The following BAALC variants were observed in gnomAD, a reference collection of about 807,000 sequenced individuals.
BAALC encodes brain and acute leukemia cytoplasmic protein.
In BAALC, 9 loss-of-function variants were observed where a neutral mutation model predicts 15.5. That is an observed-to-expected ratio of 0.58 (90% CI 0.35 to 1.02). The LOEUF (loss-of-function observed/expected upper bound fraction) is 1.02. BAALC is among the 50% of genes least tolerant of loss of function. BAALC has a pLI of 0.02. For missense variants in BAALC, 201 were observed against 192.4 expected, an observed-to-expected ratio of 1.04 and a Z score of -0.27; for synonymous variants, 80 against 74.6, an observed-to-expected ratio of 1.07 and a Z score of -0.37.
chr8:103,159,464 C>T (rs1468865669), intron 1 of BAALC, among the ~76,000 whole-genome samples: 2 of 152,190 alleles, frequency 1.3e-5, no homozygotes, highest in South Asian at 4.1e-4. Context: ...TGAGTAAATG[C>T]CAAATGTTTT....
chr8:103,197,758 G>C (rs1373097885), intron 1 of BAALC, among the ~76,000 whole-genome samples: 1 of 152,040 alleles, frequency 6.6e-6, no homozygotes, highest in African/African-American at 2.4e-5. Flanking sequence ...AAAGAGTGGT[G>C]GGGGAGGTGC....
intron 1 of BAALC, among the ~76,000 whole-genome samples, chr8:103,174,870 C>G (rs1461513900): frequency 6.6e-6 from 1 of 152,188 alleles, no homozygotes; most frequent in Non-Finnish European, 1.5e-5. Context: ...GTTACAATAG[C>G]AAAAGCAAAG....
At chr8:103,143,229 C>T (rs1037380343) in intron 1 of BAALC, among the ~76,000 whole-genome samples, 3 of 152,032 alleles carry the variant, frequency 2.0e-5, no homozygotes, top group African/African-American at 7.3e-5. Flanking sequence ...GGGTTTCAGC[C>T]ACCCTGGGAG....
intron 1 of BAALC, among the ~76,000 whole-genome samples, chr8:103,195,711 A>C (rs56326423): frequency 0.16 from 23,889 of 152,150 alleles, 2,108 homozygotes; most frequent in African/African-American, 0.23. Context: ...GGAATTTCAG[A>C]TGTTTGGTAC....
At position 103,218,517 on chromosome 8, in the gene BAALC, C is replaced by G. The variant is rs896186108; in HGVS notation, c.327+5432C>G. On this transcript the variant is annotated intron_variant, in intron 2 of 2. Transcript: ENST00000309982. ...TGGGCTGCCTCCAAACATTTACTCTCTAACCTGAATGTGCCATTTCCTTAG... is the reference window on the plus strand; with the variant it reads ...TGGGCTGCCTCCAAACATTTACTCTGTAACCTGAATGTGCCATTTCCTTAG... Among the ~76,000 whole-genome samples, 15 of 152,240 alleles carry G rather than the reference C, an allele frequency of 9.9e-5. No homozygotes were observed. In the East Asian group the frequency reaches 2.9e-3, roughly 29 times the overall value.
chr8:103,226,566 A>G (rs1050440455), intron 2 of BAALC, among the ~76,000 whole-genome samples: 16 of 152,342 alleles, frequency 1.1e-4, no homozygotes, highest in African/African-American at 3.8e-4. Flanking sequence ...CCAGCACACA[A>G]TCACAAGAAT....
At chr8:103,208,743 T>G (rs1369770092) in intron 1 of BAALC, among the ~76,000 whole-genome samples, 1 of 152,222 alleles carries the variant, frequency 6.6e-6, no homozygotes, top group Non-Finnish European at 1.5e-5. Flanking sequence ...CCTTTCTGCC[T>G]CCCTGGGATA....
At chr8:103,223,833 C>A (rs1812737180) in intron 2 of BAALC, among the ~76,000 whole-genome samples, 1 of 152,182 alleles carries the variant, frequency 6.6e-6, no homozygotes, top group Non-Finnish European at 1.5e-5. Flanking sequence ...AAGAAAAGCA[C>A]TTCTGCAGTT....
At chr8:103,173,669 T>A (rs1811546708) in intron 1 of BAALC, among the ~76,000 whole-genome samples, 1 of 152,224 alleles carries the variant, frequency 6.6e-6, no homozygotes, top group Non-Finnish European at 1.5e-5. Context: ...AAGTTTTTTA[T>A]GAAATTCATG....
intron 1 of BAALC, among the ~76,000 whole-genome samples, chr8:103,197,293 C>T (rs895224151): frequency 2.0e-5 from 3 of 152,034 alleles, no homozygotes; most frequent in East Asian, 1.9e-4. Flanking sequence ...GCAGCAGGAC[C>T]TCAGGCACTT....
At chr8:103,161,142 T>A (rs1471117406) in intron 1 of BAALC, among the ~76,000 whole-genome samples, 1 of 152,184 alleles carries the variant, frequency 6.6e-6, no homozygotes, top group Non-Finnish European at 1.5e-5. Flanking sequence ...TTTATATTGG[T>A]CAAACATTTA....
intron 2 of BAALC, among the ~76,000 whole-genome samples, chr8:103,224,186 T>C (rs987168191): frequency 6.6e-6 from 1 of 152,008 alleles, no homozygotes; most frequent in Non-Finnish European, 1.5e-5. Flanking sequence ...ATGAAGTAAC[T>C]ACTGTTGATG....
intron 1 of BAALC, among the ~76,000 whole-genome samples, chr8:103,176,099 T>C (rs1268568411): frequency 6.6e-6 from 1 of 152,074 alleles, no homozygotes; most frequent in Non-Finnish European, 1.5e-5. Context: ...AAAATATGTG[T>C]AAGATTTAAA....
At chr8:103,190,407 TG>T (rs1193327588) in intron 1 of BAALC, among the ~76,000 whole-genome samples, 1 of 152,186 alleles carries the variant, frequency 6.6e-6, no homozygotes, top group Non-Finnish European at 1.5e-5. Context: ...ATTACTACCA[TG>T]GTAATAGGTC....
rs374384019 is a variant in BAALC, at chr8:103,198,534, T to C, written c.161-14385T>C. On this transcript the variant is annotated intron_variant, in intron 1 of 2. Transcript: ENST00000309982. The stretch of plus-strand genomic sequence containing the variant: ...CAGTTTGTTGGGCATCTCTCTAGTT[T>C]GTTTTCTGTGTGTATATGTGTGTGT... Among the ~76,000 whole-genome samples the C allele has an allele frequency of 2.6e-4, 40 of 151,764 alleles. No individual in the cohort carries two copies. The East Asian group carries it at 3.1e-3, about 12-fold the overall frequency.
At chr8:103,155,576 T>C (rs1030433415) in intron 1 of BAALC, among the ~76,000 whole-genome samples, 1 of 152,202 alleles carries the variant, frequency 6.6e-6, no homozygotes, top group East Asian at 1.9e-4. Flanking sequence ...ACAGGAGCAG[T>C]GCCTGGAGAG....
intron 1 of BAALC, among the ~76,000 whole-genome samples, chr8:103,163,635 T>A (rs1024507998): frequency 6.6e-5 from 10 of 152,270 alleles, no homozygotes; most frequent in South Asian, 6.2e-4. Context: ...TTGCAGTGAA[T>A]TGTTCCTTTC....
chr8:103,203,803 C>T (rs1812272417), intron 1 of BAALC, among the ~76,000 whole-genome samples: 1 of 151,768 alleles, frequency 6.6e-6, no homozygotes, highest in African/African-American at 2.4e-5. Flanking sequence ...ATTGTATATA[C>T]ATAAAATACT....
intron 1 of BAALC, among the ~76,000 whole-genome samples, chr8:103,186,690 A>G (rs1189695455): frequency 1.3e-5 from 2 of 152,080 alleles, no homozygotes; most frequent in African/African-American, 4.8e-5. Context: ...CCCAAACCAC[A>G]CACTGCAATG....
Sources: allele counts gnomAD v4.1 joint callset (sites outside exome capture counted in the v4.1 genomes callset), GRCh38; gene constraint gnomAD v4.1.1; transcripts MANE v1.5; gene names NCBI Gene and HGNC (gene_info 2026-07-23, HGNC 2026-07-21).